SERPINB10: variants seen among roughly 807,000 people sequenced by gnomAD.
SERPINB10 encodes serpin family B member 10.
In SERPINB10, 35 loss-of-function variants were observed where a neutral mutation model predicts 39.1. The ratio of observed to expected loss-of-function variants is 0.90; its 90% CI spans 0.68 to 1.19. The LOEUF is 1.19. Among genes scored for constraint, SERPINB10 ranks in the 50% most tolerant of loss-of-function variants. SERPINB10 has a pLI of 0.00. For synonymous variants in SERPINB10, 190 were observed against 158.1 expected (o/e 1.20, Z -1.52); for missense variants, 546 against 460.5 (o/e 1.19, Z -1.70).
chr18:63,927,357 G>A (rs2050188440), intron 5 of SERPINB10, among the ~76,000 whole-genome samples: 2 of 151,956 alleles, frequency 1.3e-5, no homozygotes, highest in Admixed American at 6.6e-5. Context: ...CAAAGCAATT[G>A]TCTCAGTCCA....
chr18:63,933,671 G>T (rs2050240521), intron 7 of SERPINB10, among the ~76,000 whole-genome samples: 1 of 152,124 alleles, frequency 6.6e-6, no homozygotes, highest in Non-Finnish European at 1.5e-5. Flanking sequence ...CTTATTTGTT[G>T]AACATTTTTA....
At chr18:63,926,255 T>A (rs556788132) in intron 5 of SERPINB10, among the ~76,000 whole-genome samples, 2 of 152,060 alleles carry the variant, frequency 1.3e-5, no homozygotes, top group South Asian at 4.1e-4. Context: ...CCTGCATTGG[T>A]ACATGGCTTC....
In SERPINB10 at chr18:63,915,650, A is replaced by G. The variant is rs756322789; in HGVS notation, c.140A>G (p.Lys47Arg). 6.2e-7 allele frequency: 1 copy of G among 1,611,868 alleles called. No homozygotes were observed. The highest frequency in any genetic ancestry group is 8.5e-7 in the Non-Finnish European group (1 of 1,178,716). ...TTGACCATAGTGTATTTGGGCGCCAAAGGTACCACTGCAGCCCAAATGGCC... is the reference window on the plus strand; with the variant it reads ...TTGACCATAGTGTATTTGGGCGCCAGAGGTACCACTGCAGCCCAAATGGCC... ...TSLTIVYLGA[K>R]GTTAAQMAQV... Residue 47 changes from lysine (K) to arginine (R), a missense_variant, in exon 2 of 8, where the codon AAA becomes AGA. By Grantham distance (26) the Lys-to-Arg change is conservative (BLOSUM62 2). Transcript: ENST00000238508.
intron 6 of SERPINB10, among the ~76,000 whole-genome samples, chr18:63,931,238 G>A (rs557568987): frequency 2.4e-4 from 37 of 152,280 alleles, no homozygotes; most frequent in Middle Eastern, 3.4e-3. Context: ...TCATTCTCAT[G>A]CTGTCTCTTT....
At chr18:63,909,040 G>A (rs1225544576) in intron 1 of SERPINB10, among the ~76,000 whole-genome samples, 1 of 152,012 alleles carries the variant, frequency 6.6e-6, no homozygotes, top group African/African-American at 2.4e-5. Flanking sequence ...GACAAAATGG[G>A]GGAGCTGGGT....
chr18:63,911,172 A>G (rs1043305932), intron 1 of SERPINB10, among the ~76,000 whole-genome samples: 12 of 151,828 alleles, frequency 7.9e-5, no homozygotes, highest in African/African-American at 2.9e-4. Context: ...CCTTGTACAT[A>G]ATGGATATTA....
At chr18:63,919,715 A>G in intron 4 of SERPINB10, 73 bp from the exon 5 acceptor site, 3 of 1,030,380 alleles carry the variant, frequency 2.9e-6, no homozygotes, top group Non-Finnish European at 4.3e-6. Context: ...AGTTCTTTTG[A>G]TAATCTAAAT....
Position 63,908,019 on chromosome 18 carries a change from T to C in SERPINB10, c.-31T>C. 1 of 345,042 alleles carries C rather than the reference T, an allele frequency of 2.9e-6. No homozygotes were observed. Among genetic ancestry groups the C allele is most frequent in the South Asian group, 2.3e-5 (1 of 42,790 alleles). The allele number at this position is 345,042 out of a possible 1,614,324, so 21.4% of individuals were successfully genotyped here. A position where few individuals can be genotyped will look rare whatever the true frequency, so the allele number is the denominator to read the frequency against. ...TACTACAGGAGCAAATTGCCAATTC[T>C]GCTCCAGTGGGAGAAAACAAGGTAT... On this transcript the variant is annotated 5_prime_UTR_variant, in exon 1 of 8. Transcript: ENST00000238508.
intron 1 of SERPINB10, among the ~76,000 whole-genome samples, chr18:63,908,627 C>G (rs148498379): frequency 8.5e-4 from 130 of 152,096 alleles, no homozygotes; most frequent in African/African-American, 2.8e-3. Flanking sequence ...CCTAATCCCC[C>G]ACATCATACT....
intron 1 of SERPINB10, among the ~76,000 whole-genome samples, chr18:63,911,731 T>C (rs1231452452): frequency 6.6e-6 from 1 of 152,104 alleles, no homozygotes; most frequent in Non-Finnish European, 1.5e-5. Flanking sequence ...GGTTTGTTCT[T>C]TTTGCTTAGG....
chr18:63,933,092 T>C lies in SERPINB10; in HGVS notation c.678T>C (p.Leu226=). 6.2e-7 allele frequency: 1 copy of C among 1,614,018 alleles called. No individual in the cohort carries two copies. Residue 226 remains leucine, a synonymous_variant, in exon 7 of 8, where the codon CTT becomes CTC. Transcript: ENST00000238508. ...AAATGATGTTTATGAAGAAAAAGCT[T>C]CACATTTTTCACATAGAAAAGCCAA... ...PVQMMFMKKK[L]HIFHIEKPKA... is the part of the protein sequence containing the mutation.
In SERPINB10 at chr18:63,917,448, A is replaced by T. The variant is rs776412964; in HGVS notation, c.169-8A>T. ...GTCTATTCATTTGTATTTTTATTGA[A>T]ATTACAGGTGCTTCAATTTAACAGA... On this transcript the variant is annotated splice_polypyrimidine_tract_variant and splice_region_variant and intron_variant, in intron 2 of 7. Coordinates refer to ENST00000238508, the MANE Select transcript of SERPINB10 (RefSeq NM_005024.3). 6 of 1,545,184 alleles carry T rather than the reference A, an allele frequency of 3.9e-6. No homozygotes were observed. In the South Asian group the frequency reaches 7.2e-5, roughly 19 times the overall value.
intron 1 of SERPINB10, among the ~76,000 whole-genome samples, chr18:63,912,854 T>C (rs1193946644): frequency 6.6e-6 from 1 of 152,058 alleles, no homozygotes; most frequent in African/African-American, 2.4e-5. Flanking sequence ...TCAGCATTGA[T>C]GCCAGCTTGT....
intron 5 of SERPINB10, among the ~76,000 whole-genome samples, chr18:63,928,201 G>A (rs1274922547): frequency 6.6e-6 from 1 of 152,038 alleles, no homozygotes; most frequent in Non-Finnish European, 1.5e-5. Context: ...TATTTTGGCA[G>A]TTTAAAAGAT....
chr18:63,927,685 T>G (rs2050190630), intron 5 of SERPINB10, among the ~76,000 whole-genome samples: 1 of 152,100 alleles, frequency 6.6e-6, no homozygotes, highest in African/African-American at 2.4e-5. Flanking sequence ...ACATATGAAT[T>G]TTGGAGGAAC....
intron 5 of SERPINB10, among the ~76,000 whole-genome samples, chr18:63,922,643 C>T (rs555577724): frequency 2.4e-4 from 37 of 152,034 alleles, no homozygotes; most frequent in Middle Eastern, 3.4e-3. Flanking sequence ...ATAAGCATGG[C>T]TCTTAGGGGT....
chr18:63,934,597 A>G (rs529796058), intron 7 of SERPINB10, among the ~76,000 whole-genome samples: 16 of 152,232 alleles, frequency 1.1e-4, no homozygotes, highest in Non-Finnish European at 1.8e-4. Context: ...TAGCAGAAGT[A>G]CTTCCATTTT....
At chr18:63,914,372 A>C (rs2050086892) in intron 1 of SERPINB10, among the ~76,000 whole-genome samples, 1 of 152,086 alleles carries the variant, frequency 6.6e-6, no homozygotes, top group Non-Finnish European at 1.5e-5. Flanking sequence ...TGTGCTACGT[A>C]CTTAAGTAAC....
At chr18:63,921,019 C>T (rs139145894) in intron 5 of SERPINB10, among the ~76,000 whole-genome samples, 3 of 151,984 alleles carry the variant, frequency 2.0e-5, no homozygotes, top group East Asian at 3.9e-4. Flanking sequence ...AATAGGATTT[C>T]GAATATAAGT....
Sources: gnomAD v4.1 joint callset for allele counts (sites outside exome capture counted in the v4.1 genomes callset) on GRCh38, gnomAD v4.1.1 for gene constraint, MANE v1.5 for transcripts, NCBI Gene and HGNC (gene_info 2026-07-23, HGNC 2026-07-21) for gene names.